The following TRMT44 variants were observed in gnomAD, a reference collection of about 807,000 sequenced individuals.
TRMT44 encodes tRNA methyltransferase 44 homolog.
In TRMT44, 78 loss-of-function variants were observed where a neutral mutation model predicts 77.3. That is an observed-to-expected ratio of 1.01 (90% CI 0.84 to 1.22). TRMT44 has a LOEUF of 1.22. TRMT44 is among the 50% of genes most tolerant of loss of function. The pLI is 0.00. For synonymous variants in TRMT44, 391 were observed against 383.3 expected (o/e 1.02, Z -0.23); for missense variants, 1,090 against 964.4 (o/e 1.13, Z -1.73).
At position 8,468,162 on chromosome 4, in the gene TRMT44, T is replaced by C. The variant is rs111394083; in HGVS notation, c.1743T>C (p.Ala581=). ...WAAEHGAGPQ[A]EGPWLPGFHP... is the part of the protein sequence containing the mutation. ...CTGAGCATGGAGCAGGGCCCCAGGC[T>C]GAAGGACCCTGGCTACCTGGATTTC... Residue 581 remains alanine (A), a synonymous_variant, in exon 9 of 11, where the codon GCT becomes GCC. Transcript: ENST00000389737. The C allele has an allele frequency of 1.6e-5, 26 of 1,613,970 alleles. No homozygotes were observed. In the African/African-American group the frequency reaches 2.3e-4, roughly 14 times the overall value.
At chr4:8,501,151 A>G in the TRMT44 span, among the ~76,000 whole-genome samples, 1 of 152,212 alleles carries the variant, frequency 6.6e-6, no homozygotes, top group Non-Finnish European at 1.5e-5. This position sits in a 1 kb window ranked among gnomAD's most constrained non-coding sequence, Gnocchi z 4.4. Flanking sequence ...TGCCTACTGC[A>G]TGGCCGGCAA....
chr4:8,491,078 A>T (rs1294318734), intron 2 of TRMT44, among the ~76,000 whole-genome samples: 1 of 150,562 alleles, frequency 6.6e-6, no homozygotes, highest in African/African-American at 2.5e-5. Context: ...CGATTGGTGT[A>T]TTTACAATCC....
At position 8,467,905 on chromosome 4, in the gene TRMT44, C is replaced by T. The variant is rs371953139; in HGVS notation, c.1495-9C>T. The T allele has an allele frequency of 2.5e-5, 39 of 1,584,370 alleles. 1 individual carries two copies. The African/African-American group carries it at 4.9e-4, about 20-fold the overall frequency. ...GCTAAAATACTTGCTTTGCTTTCTTCAAACGCAGGTCTGTCTCGTTGGAAA... is the reference window on the plus strand; with the variant it reads ...GCTAAAATACTTGCTTTGCTTTCTTTAAACGCAGGTCTGTCTCGTTGGAAA... On this transcript the variant is annotated splice_polypyrimidine_tract_variant and intron_variant, in intron 8 of 10. Coordinates refer to ENST00000389737, the MANE Select transcript of TRMT44 (RefSeq NM_152544.3).
intron 8 of TRMT44, 88 bp downstream of exon 8, chr4:8,465,649 T>A: frequency 2.5e-6 from 3 of 1,199,582 alleles, no homozygotes; most frequent in Non-Finnish European, 3.5e-6. Flanking sequence ...TGAACCATGC[T>A]GTAACGTTCA....
At chr4:8,495,750 G>A (rs1728132804), downstream of TRMT44, among the ~76,000 whole-genome samples, 1 of 152,168 alleles carries the variant, frequency 6.6e-6, no homozygotes, top group East Asian at 1.9e-4. Flanking sequence ...CTGGAGGCAG[G>A]GAACCTGAGG....
chr4:8,473,111 G>A (rs1377919519), intron 10 of TRMT44, among the ~76,000 whole-genome samples: 1 of 152,214 alleles, frequency 6.6e-6, no homozygotes, highest in Admixed American at 6.5e-5. Context: ...TCTGTATGAG[G>A]TTTAGGTTTT....
rs1321332788 is a variant in TRMT44, at chr4:8,471,216, C to CT, written c.2044+17dup. 6.7e-6 allele frequency: 10 copies of CT among 1,493,910 alleles called. No homozygotes were observed. The highest frequency in any genetic ancestry group is 9.1e-6 in the Non-Finnish European group (10 of 1,098,856). 92.5% of individuals were successfully genotyped at this position (1,493,910 alleles called of 1,614,324 possible). Reference sequence around the variant, plus strand: ...GTGTTCCAAGGTACGGAGTCCGCCTCTCCCCCGCCGTTCTTTCCTTCTTTT... The same window carrying CT: ...GTGTTCCAAGGTACGGAGTCCGCCTCTTCCCCCGCCGTTCTTTCCTTCTTTT... On this transcript the variant is annotated intron_variant, in intron 10 of 10. Coordinates refer to ENST00000389737, the MANE Select transcript of TRMT44 (RefSeq NM_152544.3).
chr4:8,496,484 C>G (rs1041433139), downstream of TRMT44, among the ~76,000 whole-genome samples: 4 of 152,140 alleles, frequency 2.6e-5, no homozygotes, highest in East Asian at 5.8e-4. Context: ...CATCTCAAGC[C>G]CGCCCCATGC....
intron 3 of TRMT44, 118 bp downstream of exon 3, chr4:8,450,006 A>C: frequency 1.6e-6 from 1 of 625,660 alleles, no homozygotes; most frequent in Non-Finnish European, 2.5e-6. Context: ...CCCCCCAAAA[A>C]AAAGGGCCAG....
At chr4:8,494,922 G>T (rs1330849655), downstream of TRMT44, among the ~76,000 whole-genome samples, 1 of 152,206 alleles carries the variant, frequency 6.6e-6, no homozygotes, top group Admixed American at 6.5e-5. Flanking sequence ...TGGGAGCACC[G>T]TCGTAGGTGT....
chr4:8,455,533 G>A lies in TRMT44; in HGVS notation c.1203+720G>A, dbSNP rs6824438. Reference sequence around the variant, plus strand: ...TTTCCCTTTTTTAGGACTTGAAACAGTCTCACTTTTCTTAATGCCCCTACC... The same window carrying A: ...TTTCCCTTTTTTAGGACTTGAAACAATCTCACTTTTCTTAATGCCCCTACC... On this transcript the variant is annotated intron_variant, in intron 6 of 10. Transcript: ENST00000389737. Among the ~76,000 whole-genome samples, 955 of 152,354 alleles carry A rather than the reference G, an allele frequency of 6.3e-3. 15 individuals carry two copies. Among genetic ancestry groups the A allele is most frequent in the African/African-American group, 0.022 (900 of 41,576 alleles).
chr4:8,467,246 C>A (rs949448729), intron 8 of TRMT44, among the ~76,000 whole-genome samples: 2 of 152,148 alleles, frequency 1.3e-5, no homozygotes, highest in African/African-American at 2.4e-5. Context: ...TGCAGCGTTA[C>A]CATCAGCATG....
At chr4:8,442,430 T>TA (rs1412663315) in intron 1 of TRMT44, among the ~76,000 whole-genome samples, 4 of 152,258 alleles carry the variant, frequency 2.6e-5, no homozygotes, top group African/African-American at 9.6e-5. Context: ...CAGCCACTCT[T>TA]ACCTGAAACT....
intron 8 of TRMT44, among the ~76,000 whole-genome samples, chr4:8,467,072 T>G (rs1285032301): frequency 1.3e-5 from 2 of 152,208 alleles, no homozygotes; most frequent in African/African-American, 2.4e-5. Flanking sequence ...GGGGACTGTC[T>G]GAAGGGCACC....
intron 10 of TRMT44, among the ~76,000 whole-genome samples, chr4:8,472,228 C>T (rs1007940320): frequency 6.6e-6 from 1 of 152,102 alleles, no homozygotes; most frequent in Non-Finnish European, 1.5e-5. Context: ...GGAAATGACA[C>T]TTGAGCTGGG....
chr4:8,467,852 C>T, intron 8 of TRMT44, 62 bp from the exon 9 acceptor site: 1 of 1,481,668 alleles, frequency 6.7e-7, no homozygotes, highest in South Asian at 1.3e-5. Context: ...GAGAGAATTC[C>T]ATGGAGAACG....
rs1726348474 is a variant in TRMT44 at position 8,463,987 on chromosome 4, A to C, written c.1206A>C (p.Glu402Asp). 1 of 1,612,920 alleles carries C rather than the reference A, an allele frequency of 6.2e-7. No individual in the cohort carries two copies. Residue 402 changes from glutamate to aspartate, a missense_variant and splice_region_variant, in exon 7 of 11, where the codon GAA becomes GAC. Transcript: ENST00000389737. ...GTCTTGTTTTGTTATTCCTTTAGGA[A>C]GATGCAATCACACCCAATGATAAGA... is the stretch of plus-strand genomic sequence containing the variant. ...DMYGPQTQLE[E>D]DAITPNDKTL...
At chr4:8,447,666 G>A (rs17807994) in intron 2 of TRMT44, among the ~76,000 whole-genome samples, 4,135 of 152,266 alleles carry the variant, frequency 0.027, 68 homozygotes, top group South Asian at 0.04. Context: ...TGCAGCCTTC[G>A]TGCTTGAAAG....
chr4:8,470,146 T>C (rs1296054704), intron 9 of TRMT44, among the ~76,000 whole-genome samples: 2 of 152,190 alleles, frequency 1.3e-5, no homozygotes, highest in Non-Finnish European at 2.9e-5. Flanking sequence ...TGGGACAATA[T>C]GTGATCTTTT....
Sources: allele counts gnomAD v4.1 joint callset (sites outside exome capture counted in the v4.1 genomes callset), GRCh38; gene constraint gnomAD v4.1.1; non-coding constraint Gnocchi (gnomAD v3.1); transcripts MANE v1.5; gene names NCBI Gene and HGNC (gene_info 2026-07-23, HGNC 2026-07-21).